Variants in CDH8 observed in about 807,000 individuals in gnomAD.
CDH8 encodes cadherin-8.
Under a neutral mutation model 68.1 loss-of-function variants are expected in CDH8, and 17 were observed. The ratio of observed to expected loss-of-function variants is 0.25; its 90% CI spans 0.17 to 0.37. The LOEUF (loss-of-function observed/expected upper bound fraction) is 0.37, where lower values mean the gene tolerates loss of function less well. CDH8 is among the 10% of genes least tolerant of loss of function. The probability of loss-of-function intolerance (pLI) is 1.00; values close to 1 mark genes in which losing one functional copy is unlikely to be tolerated. For synonymous variants in CDH8, 372 were observed against 365.1 expected (o/e 1.02, Z -0.21); for missense variants, 763 against 999.3 (o/e 0.76, Z 3.19).
intron 2 of CDH8, among the ~76,000 whole-genome samples, chr16:61,982,080 T>C (rs1177954526): frequency 6.6e-6 from 1 of 152,098 alleles, no homozygotes; most frequent in African/African-American, 2.4e-5. Flanking sequence ...GCGTCATATG[T>C]GTTGAATAAA....
At chr16:61,901,025 C>T (rs1597052409) in intron 3 of CDH8, 154 bp downstream of exon 3, 4 of 642,424 alleles carry the variant, frequency 6.2e-6, no homozygotes, top group East Asian at 2.7e-5. Context: ...AGCTACTGAG[C>T]TGTGGAACTT....
chr16:61,716,648 T>G (rs1964736291), intron 9 of CDH8, among the ~76,000 whole-genome samples: 1 of 151,744 alleles, frequency 6.6e-6, no homozygotes, highest in Admixed American at 6.6e-5. Context: ...CAAGCTCATG[T>G]CAAGCTCAGT....
intron 10 of CDH8, among the ~76,000 whole-genome samples, chr16:61,665,929 A>G (rs543046947): frequency 6.9e-4 from 101 of 147,396 alleles, no homozygotes; most frequent in Non-Finnish European, 1.2e-3. Context: ...TTCATTTTCC[A>G]TGGTTTCCGT....
chr16:61,788,261 C>T (rs1461351270), intron 8 of CDH8, among the ~76,000 whole-genome samples: 4 of 152,024 alleles, frequency 2.6e-5, no homozygotes, highest in Non-Finnish European at 5.9e-5. Context: ...ACAAAGTAAT[C>T]ATTTTTCACA....
At chr16:62,001,750 C>T in intron 2 of CDH8, among the ~76,000 whole-genome samples, 1 of 152,030 alleles carries the variant, frequency 6.6e-6, no homozygotes, top group Non-Finnish European at 1.5e-5. Flanking sequence ...ATACATGTGC[C>T]ATGTTGGTGT....
intron 2 of CDH8, among the ~76,000 whole-genome samples, chr16:61,948,053 C>A (rs1457690951): frequency 1.3e-5 from 2 of 152,116 alleles, no homozygotes. Context: ...ACATTTGATA[C>A]TGGCACAATA....
At position 61,885,307 on chromosome 16, in the gene CDH8, T is replaced by C. The variant is rs188465439; in HGVS notation, c.547+15872A>G. 3.6e-4 allele frequency among the ~76,000 whole-genome samples: 55 copies of C among 152,330 alleles called. No individual in the cohort carries two copies. In the East Asian group the frequency reaches 0.01, roughly 28 times the overall value. On this transcript the variant is annotated intron_variant, in intron 3 of 11. Transcript: ENST00000577390. ...TGTTCAGCTTATGCTGTTATAGATA[T>C]ATGCATTTTACTGTATGGCTATTAA...
intron 7 of CDH8, among the ~76,000 whole-genome samples, chr16:61,813,555 G>A (rs1250626247): frequency 6.6e-6 from 1 of 152,140 alleles, no homozygotes; most frequent in Admixed American, 6.5e-5. Context: ...ATGCGCACTG[G>A]GGGAACAGGG....
chr16:61,829,824 C>A (rs910443430), intron 4 of CDH8, among the ~76,000 whole-genome samples: 1 of 151,782 alleles, frequency 6.6e-6, no homozygotes, highest in African/African-American at 2.4e-5. Flanking sequence ...CTAGTCTCAA[C>A]CCCATGACTA....
At chr16:61,783,985 C>G (rs1483862943) in intron 8 of CDH8, among the ~76,000 whole-genome samples, 1 of 152,036 alleles carries the variant, frequency 6.6e-6, no homozygotes, top group Non-Finnish European at 1.5e-5. Context: ...CAAAATCATG[C>G]CAAAATGTAA....
intron 2 of CDH8, among the ~76,000 whole-genome samples, chr16:61,903,880 C>A (rs1964021905): frequency 6.6e-6 from 1 of 152,108 alleles, no homozygotes; most frequent in East Asian, 1.9e-4. Context: ...TTGTGATAAT[C>A]CCAGTTCCAA....
chr16:61,930,610 C>T (rs1964527189), intron 2 of CDH8, among the ~76,000 whole-genome samples: 1 of 152,188 alleles, frequency 6.6e-6, no homozygotes, highest in African/African-American at 2.4e-5. Context: ...CATTCACAAA[C>T]CTTAGGAGAC....
chr16:61,751,382 T>TAAAA lies in CDH8; in HGVS notation c.1415-24171_1415-24168dup, dbSNP rs71134375. On this transcript the variant is annotated intron_variant, in intron 8 of 11. Coordinates refer to ENST00000577390, the MANE Select transcript of CDH8 (RefSeq NM_001796.5). ...CACAAATGTCCTTCCATATTCTCCT[T>TAAAA]AAAAAAAAAAAAAAAAAAAAAAAAA... Among the ~76,000 whole-genome samples the TAAAA allele has an allele frequency of 1.5e-3, 83 of 54,148 alleles. 5 individuals carry two copies. The highest frequency in any genetic ancestry group is 7.3e-3 in the East Asian group (8 of 1,100). The allele number at this position is 54,148 out of a possible 152,430, so 35.5% of individuals were successfully genotyped here. A position where few individuals can be genotyped will look rare whatever the true frequency, so the allele number is the denominator to read the frequency against.
intron 8 of CDH8, among the ~76,000 whole-genome samples, chr16:61,774,692 A>T (rs115007447): frequency 0.01 from 1,563 of 152,182 alleles, 39 homozygotes; most frequent in African/African-American, 0.035. Context: ...ATTTATTAGG[A>T]GCCCCAAAGC....
At chr16:61,780,724 T>C (rs1270604614) in intron 8 of CDH8, among the ~76,000 whole-genome samples, 1 of 152,234 alleles carries the variant, frequency 6.6e-6, no homozygotes, top group African/African-American at 2.4e-5. Flanking sequence ...AAACATCATG[T>C]GATGGGCTAA....
intron 2 of CDH8, among the ~76,000 whole-genome samples, chr16:61,960,125 G>A (rs1236933849): frequency 1.4e-5 from 2 of 146,822 alleles, no homozygotes; most frequent in East Asian, 4.1e-4. Context: ...ACATATGTGT[G>A]TGTGTATACA....
chr16:61,930,163 G>A (rs1240138871), intron 2 of CDH8, among the ~76,000 whole-genome samples: 5 of 151,878 alleles, frequency 3.3e-5, no homozygotes, highest in African/African-American at 1.2e-4. Context: ...AGTGCCAAGA[G>A]TAAGAGAAAC....
chr16:61,767,014 T>C (rs1031724901), intron 8 of CDH8, among the ~76,000 whole-genome samples: 2 of 151,908 alleles, frequency 1.3e-5, no homozygotes, highest in African/African-American at 4.8e-5. Flanking sequence ...GGGCATTCTA[T>C]GCAGCAAGCC....
intron 2 of CDH8, among the ~76,000 whole-genome samples, chr16:61,967,591 A>ATG (rs1244562301): frequency 2.0e-5 from 3 of 152,210 alleles, no homozygotes; most frequent in Non-Finnish European, 4.4e-5. Context: ...CATCATATAC[A>ATG]TGTAGCCAGA....
Sources: gnomAD v4.1 joint callset for allele counts (sites outside exome capture counted in the v4.1 genomes callset) on GRCh38, gnomAD v4.1.1 for gene constraint, MANE v1.5 for transcripts, NCBI Gene and HGNC (gene_info 2026-07-23, HGNC 2026-07-21) for gene names.